ZNF568: variants seen among roughly 807,000 people sequenced by gnomAD.
ZNF568 encodes the protein zinc finger protein 568.
A neutral mutation model predicts 18.1 loss-of-function variants in ZNF568; 11 were observed. The observed-to-expected ratio is 0.61, with a 90% CI of 0.38 to 1.00. The LOEUF (loss-of-function observed/expected upper bound fraction) is 1.00, where lower values mean the gene tolerates loss of function less well. Among genes scored for constraint, ZNF568 ranks in the 50% least tolerant of loss-of-function variants. The probability of loss-of-function intolerance (pLI) is 0.01; values close to 1 mark genes in which losing one functional copy is unlikely to be tolerated. For synonymous variants in ZNF568, 213 were observed against 246.6 expected, an observed-to-expected ratio of 0.86 and a Z score of 1.28; for missense variants, 639 against 768.2, an observed-to-expected ratio of 0.83 and a Z score of 1.99.
At chr19:36,942,586 C>A (rs2073899722) in intron 6 of ZNF568, among the ~76,000 whole-genome samples, 5 of 115,146 alleles carry the variant, frequency 4.3e-5, no homozygotes, top group African/African-American at 3.6e-5. Context: ...GTGACAGGAC[C>A]AGACTCCGTC....
intron 6 of ZNF568, among the ~76,000 whole-genome samples, chr19:36,961,932 C>G (rs1052653374): frequency 4.0e-5 from 6 of 149,136 alleles, no homozygotes; most frequent in East Asian, 4.0e-4. Flanking sequence ...CCACCTGAGC[C>G]CCACAAGTAG....
downstream of ZNF568, among the ~76,000 whole-genome samples, chr19:36,953,571 A>G (rs2074084715): frequency 6.6e-6 from 1 of 152,150 alleles, no homozygotes; most frequent in Admixed American, 6.5e-5. Context: ...TGCCATCTCT[A>G]CAATATTAGT....
chr19:36,997,528 C>T (rs2146355368), downstream of ZNF568: 1 of 1,589,076 alleles, frequency 6.3e-7, no homozygotes, highest in Non-Finnish European at 8.5e-7. Context: ...TGAGAGAAGT[C>T]ACACTGGTGA....
intron 3 of ZNF568, chr19:36,991,591 A>C: frequency 3.0e-6 from 2 of 657,782 alleles, no homozygotes; most frequent in Non-Finnish European, 2.4e-6. Context: ...CTTTTTTTCT[A>C]ATTAGACAAG....
At chr19:36,970,129 A>T (rs2074225711) in intron 6 of ZNF568, among the ~76,000 whole-genome samples, 1 of 124,584 alleles carries the variant, frequency 8.0e-6, no homozygotes, top group South Asian at 2.5e-4. Flanking sequence ...AGATATATTC[A>T]CAGGTTCTGG....
Position 36,949,636 on chromosome 19 carries a change from A to G in ZNF568, c.483A>G (p.Ile161Met). 1.2e-6 allele frequency: 2 copies of G among 1,613,786 alleles called. No homozygotes were observed. The highest frequency in any genetic ancestry group is 1.1e-5 in the South Asian group (1 of 91,000). ...TTGAATGTAAAAAAGTTGCGAAAAT[A>G]TTTCCTCTGAGTTCAGACATTGTTA... ...KVIECKKVAK[I>M]FPLSSDIVTS... is the part of the protein sequence containing the mutation. Residue 161 changes from isoleucine (I) to methionine (M), a missense_variant, in exon 7 of 7, where the codon ATA becomes ATG. Coordinates refer to ENST00000333987, the MANE Select transcript of ZNF568 (RefSeq NM_198539.4).
At chr19:36,974,541 T>C (rs557251813) in intron 7 of ZNF568, 1 of 1,370,990 alleles carries the variant, frequency 7.3e-7, no homozygotes, top group African/African-American at 1.4e-5. Flanking sequence ...GAAATTTATC[T>C]AAAATATTTA....
At chr19:36,919,453 GT>G (rs2073413300) in intron 2 of ZNF568, among the ~76,000 whole-genome samples, 1 of 152,128 alleles carries the variant, frequency 6.6e-6, no homozygotes, top group Non-Finnish European at 1.5e-5. Context: ...GGATGGGAGG[GT>G]TATGGTTTCA....
downstream of ZNF568, among the ~76,000 whole-genome samples, chr19:36,955,147 G>A (rs1010760189): frequency 6.6e-6 from 1 of 151,698 alleles, no homozygotes; most frequent in Non-Finnish European, 1.5e-5. Flanking sequence ...AATGGTTTTC[G>A]CATTTCGTGT....
intron 7 of ZNF568, among the ~76,000 whole-genome samples, chr19:36,976,094 T>C (rs892687510): frequency 6.6e-6 from 1 of 152,224 alleles, no homozygotes; most frequent in Non-Finnish European, 1.5e-5. Context: ...TAAAGTGATA[T>C]ACAATTTTTG....
At position 36,916,977 on chromosome 19, in the gene ZNF568, T is replaced by C. The variant is rs1195974536; in HGVS notation, c.-256+386T>C. 6.6e-6 allele frequency among the ~76,000 whole-genome samples: 1 copy of C among 152,178 alleles called. No individual in the cohort carries two copies. Among genetic ancestry groups the C allele is most frequent in the Non-Finnish European group, 1.5e-5 (1 of 68,024 alleles). On this transcript the variant is annotated intron_variant, in intron 1 of 6. Coordinates refer to ENST00000333987, the MANE Select transcript of ZNF568 (RefSeq NM_198539.4). This position sits in a 1 kb window ranked among gnomAD's most constrained non-coding sequence, Gnocchi z 5.3. ...CCCTTGGCCCTTTGTAATTTTCCAC[T>C]ATTCCTTGGCGAACTTTTCAGGTTC...
intron 6 of ZNF568, among the ~76,000 whole-genome samples, chr19:36,960,949 A>G (rs1406215763): frequency 6.6e-6 from 1 of 152,172 alleles, no homozygotes; most frequent in East Asian, 1.9e-4. Flanking sequence ...TCGATGGCCT[A>G]TTATGGAGAA....
chr19:36,966,239 T>C (rs1032739403), intron 6 of ZNF568, among the ~76,000 whole-genome samples: 1 of 152,078 alleles, frequency 6.6e-6, no homozygotes, highest in Non-Finnish European at 1.5e-5. Context: ...TGAGCCGAGA[T>C]TGCACCACTG....
chr19:36,945,037 T>C (rs971990836), intron 6 of ZNF568, among the ~76,000 whole-genome samples: 6 of 152,194 alleles, frequency 3.9e-5, no homozygotes, highest in Admixed American at 3.9e-4. Flanking sequence ...GATTTAATTT[T>C]TATTTTTTCA....
downstream of ZNF568, chr19:36,952,761 G>A (rs2074077907): frequency 1.5e-6 from 1 of 686,966 alleles, no homozygotes; most frequent in Non-Finnish European, 1.8e-6. Flanking sequence ...TTGTAATAGT[G>A]TTTTTCTTGT....
chr19:36,993,193 C>T (rs1436754375), intron 4 of ZNF568, among the ~76,000 whole-genome samples: 1 of 152,168 alleles, frequency 6.6e-6, no homozygotes, highest in Non-Finnish European at 1.5e-5. Flanking sequence ...TTTTCTGCAT[C>T]TATTAAGACA....
chr19:36,976,774 G>A (rs2074288876), intron 7 of ZNF568, among the ~76,000 whole-genome samples: 1 of 152,180 alleles, frequency 6.6e-6, no homozygotes, highest in African/African-American at 2.4e-5. Context: ...GCCAGATGTG[G>A]TGGCGCATGC....
At chr19:36,991,304 CTT>C (rs1471633579) in intron 3 of ZNF568, 1 of 1,532,144 alleles carries the variant, frequency 6.5e-7, no homozygotes. Context: ...TACTGGGTAA[CTT>C]TATCTGCCCC....
chr19:36,936,262 T>C (rs1262950214), intron 4 of ZNF568, among the ~76,000 whole-genome samples: 4 of 152,218 alleles, frequency 2.6e-5, no homozygotes, highest in African/African-American at 9.6e-5. Flanking sequence ...TATTGTTATA[T>C]ATGTTACAGA....
Sources: allele counts gnomAD v4.1 joint callset (sites outside exome capture counted in the v4.1 genomes callset), GRCh38; gene constraint gnomAD v4.1.1; non-coding constraint Gnocchi (gnomAD v3.1); transcripts MANE v1.5; gene names NCBI Gene and HGNC (gene_info 2026-07-23, HGNC 2026-07-21).